Variants in GUCY1A2 observed in about 807,000 individuals in gnomAD.
The protein encoded by GUCY1A2 is guanylate cyclase 1 soluble subunit alpha 2.
Under a neutral mutation model 63.5 loss-of-function variants are expected in GUCY1A2, and 27 were observed. The observed-to-expected ratio is 0.43, with a 90% CI of 0.31 to 0.59. The LOEUF is 0.59. GUCY1A2 is among the 20% of genes least tolerant of loss of function. The probability of loss-of-function intolerance (pLI) is 0.11; values close to 1 mark genes in which losing one functional copy is unlikely to be tolerated. For synonymous variants in GUCY1A2, 364 were observed against 343.5 expected, an observed-to-expected ratio of 1.06 and a Z score of -0.66; for missense variants, 768 against 913.3, an observed-to-expected ratio of 0.84 and a Z score of 2.05.
intron 3 of GUCY1A2, among the ~76,000 whole-genome samples, chr11:106,969,134 T>C (rs1446095723): frequency 2.0e-5 from 3 of 152,186 alleles, no homozygotes; most frequent in African/African-American, 4.8e-5. Context: ...TTACCATATA[T>C]AAAATGTCTT....
chr11:106,960,299 TC>T (rs1329460482), intron 3 of GUCY1A2, among the ~76,000 whole-genome samples: 2 of 152,210 alleles, frequency 1.3e-5, no homozygotes, highest in African/African-American at 4.8e-5. Flanking sequence ...AGTCTATTGT[TC>T]TTAAGAATTT....
intron 7 of GUCY1A2, among the ~76,000 whole-genome samples, chr11:106,689,490 T>G (rs1862584408): frequency 6.6e-6 from 1 of 152,028 alleles, no homozygotes; most frequent in Non-Finnish European, 1.5e-5. Flanking sequence ...GTCTAATATC[T>G]AGCATCTATA....
chr11:106,797,835 C>A (rs1454710554), intron 5 of GUCY1A2, among the ~76,000 whole-genome samples: 1 of 152,062 alleles, frequency 6.6e-6, no homozygotes, highest in Admixed American at 6.6e-5. Context: ...AAAATTGACA[C>A]CCTACATCAC....
intron 5 of GUCY1A2, among the ~76,000 whole-genome samples, chr11:106,795,387 C>G (rs1203334543): frequency 6.6e-6 from 1 of 152,134 alleles, no homozygotes; most frequent in African/African-American, 2.4e-5. Flanking sequence ...AAGAGAGAAG[C>G]ACGAAGTTGC....
At chr11:106,767,263 G>T (rs988510565) in intron 6 of GUCY1A2, among the ~76,000 whole-genome samples, 3 of 152,072 alleles carry the variant, frequency 2.0e-5, no homozygotes, top group Non-Finnish European at 4.4e-5. Flanking sequence ...TTCCAAAAAT[G>T]TGAAAGTCAA....
At chr11:106,887,351 G>A (rs997448200) in intron 4 of GUCY1A2, among the ~76,000 whole-genome samples, 2 of 151,900 alleles carry the variant, frequency 1.3e-5, no homozygotes, top group East Asian at 3.9e-4. Context: ...ATTAGTTTGG[G>A]GCAATCTGCC....
intron 1 of GUCY1A2, among the ~76,000 whole-genome samples, chr11:107,010,886 C>G (rs536158654): frequency 6.6e-6 from 1 of 151,922 alleles, no homozygotes; most frequent in African/African-American, 2.4e-5. Flanking sequence ...CCCACCACCA[C>G]GCCTGGCTAA....
intron 3 of GUCY1A2, among the ~76,000 whole-genome samples, chr11:106,971,333 G>C (rs1367680845): frequency 6.6e-6 from 1 of 151,964 alleles, no homozygotes; most frequent in Non-Finnish European, 1.5e-5. Context: ...TACTGGAAGT[G>C]GTGGGGTAGA....
intron 6 of GUCY1A2, 96 bp downstream of exon 6, chr11:106,776,343 C>G (rs1864356888): frequency 2.1e-6 from 2 of 963,874 alleles, no homozygotes. Flanking sequence ...TTGTCTAGAT[C>G]TATAAATTAC....
intron 6 of GUCY1A2, among the ~76,000 whole-genome samples, chr11:106,730,549 C>T (rs1193720238): frequency 1.3e-5 from 2 of 152,002 alleles, no homozygotes; most frequent in Non-Finnish European, 1.5e-5. Flanking sequence ...CTATATCTCG[C>T]TATTCTGAAT....
At chr11:106,824,445 T>C (rs978156742) in intron 4 of GUCY1A2, among the ~76,000 whole-genome samples, 1 of 152,148 alleles carries the variant, frequency 6.6e-6, no homozygotes. Context: ...AATTTTGTTA[T>C]GCACTCTGCT....
chr11:106,883,396 C>T (rs1339666773), intron 4 of GUCY1A2, among the ~76,000 whole-genome samples: 2 of 152,028 alleles, frequency 1.3e-5, no homozygotes, highest in Non-Finnish European at 2.9e-5. Context: ...TTCATTCATT[C>T]ATTCATTCAA....
intron 4 of GUCY1A2, among the ~76,000 whole-genome samples, chr11:106,854,042 G>T (rs1440153170): frequency 6.6e-6 from 1 of 152,218 alleles, no homozygotes; most frequent in African/African-American, 2.4e-5. Flanking sequence ...GGTAAACTAG[G>T]CATGCCAGTC....
At chr11:106,763,507 T>C (rs372746470) in intron 6 of GUCY1A2, among the ~76,000 whole-genome samples, 25 of 152,254 alleles carry the variant, frequency 1.6e-4, no homozygotes, top group African/African-American at 4.6e-4. Context: ...CCAAGTACTA[T>C]TGAAATAACT....
intron 7 of GUCY1A2, among the ~76,000 whole-genome samples, chr11:106,707,958 T>C (rs1862946044): frequency 6.6e-6 from 1 of 152,098 alleles, no homozygotes; most frequent in Non-Finnish European, 1.5e-5. Flanking sequence ...CTTTGGAAGA[T>C]ATTGGATTTC....
At position 107,008,206 on chromosome 11, in the gene GUCY1A2, T is replaced by C. The variant is rs532931953; in HGVS notation, c.303+9547A>G. Among the ~76,000 whole-genome samples the C allele has an allele frequency of 3.5e-4, 47 of 135,928 alleles. 1 individual carries two copies. Among genetic ancestry groups the C allele is most frequent in the African/African-American group, 1.2e-3 (43 of 36,530 alleles). 89.2% of individuals were successfully genotyped at this position (135,928 alleles called of 152,430 possible). ...AGGCAGGAGAATCGCTGGAACCCGGTGGGCAGAGGCTGTGGTGAGCCAAGA... is the reference window on the plus strand; with the variant it reads ...AGGCAGGAGAATCGCTGGAACCCGGCGGGCAGAGGCTGTGGTGAGCCAAGA... On this transcript the variant is annotated intron_variant, in intron 1 of 7. Transcript: ENST00000526355.
chr11:106,735,644 T>C lies in GUCY1A2; in HGVS notation c.1837-26978A>G, dbSNP rs543962710. 1.9e-4 allele frequency among the ~76,000 whole-genome samples: 29 copies of C among 152,278 alleles called. No homozygotes were observed. The South Asian group carries it at 5.6e-3, about 29-fold the overall frequency. ...ACTGATTTCCTTTCTGTGGGGTATA[T>C]AACTAGCAGTGGGATTGCTGGATCA... On this transcript the variant is annotated intron_variant, in intron 6 of 7. Coordinates refer to ENST00000526355, the MANE Select transcript of GUCY1A2 (RefSeq NM_000855.3).
At chr11:106,709,503 T>G (rs1316222302) in intron 6 of GUCY1A2, among the ~76,000 whole-genome samples, 2 of 52,160 alleles carry the variant, frequency 3.8e-5, no homozygotes, top group African/African-American at 2.9e-4. Context: ...TATATAATAA[T>G]ATATATTATT....
At chr11:106,757,693 C>G (rs555614326) in intron 6 of GUCY1A2, among the ~76,000 whole-genome samples, 78 of 152,296 alleles carry the variant, frequency 5.1e-4, no homozygotes, top group Admixed American at 9.1e-4. Flanking sequence ...TGCAGAACAG[C>G]AAATATTGCT....
Sources: gnomAD v4.1 joint callset for allele counts (sites outside exome capture counted in the v4.1 genomes callset) on GRCh38, gnomAD v4.1.1 for gene constraint, MANE v1.5 for transcripts, NCBI Gene and HGNC (gene_info 2026-07-23, HGNC 2026-07-21) for gene names.